The following EXT2 variants were observed in gnomAD, a reference collection of about 807,000 sequenced individuals.
The protein encoded by EXT2 is exostosin glycosyltransferase 2.
Under a neutral mutation model 81.6 loss-of-function variants are expected in EXT2, and 53 were observed. The ratio of observed to expected loss-of-function variants is 0.65; its 90% CI spans 0.52 to 0.82. EXT2 has a LOEUF of 0.82. Ranked by LOEUF, EXT2 falls within the 40% of genes least tolerant of loss-of-function variation. EXT2 has a pLI of 0.00. For missense variants in EXT2, 774 were observed against 910.2 expected (o/e 0.85, Z 1.93); for synonymous variants, 320 against 340.0 (o/e 0.94, Z 0.65).
intron 11 of EXT2, among the ~76,000 whole-genome samples, chr11:44,233,462 CTT>C (rs983859957): frequency 1.3e-5 from 2 of 151,994 alleles, no homozygotes; most frequent in African/African-American, 4.8e-5. Context: ...GTTTTTGACT[CTT>C]TTTTTATTAG....
chr11:44,098,848 G>A (rs1953941673), intron 1 of EXT2, among the ~76,000 whole-genome samples: 1 of 152,082 alleles, frequency 6.6e-6, no homozygotes, highest in Admixed American at 6.5e-5. Flanking sequence ...TCCTCCTTTG[G>A]AAATTCCTTC....
chr11:44,231,996 C>T (rs1955904430), intron 10 of EXT2, among the ~76,000 whole-genome samples: 1 of 152,104 alleles, frequency 6.6e-6, no homozygotes, highest in Admixed American at 6.6e-5. Context: ...AGTTGAGTTG[C>T]AGGGTTCCAT....
chr11:44,108,275 C>G, intron 2 of EXT2, 27 bp downstream of exon 2: 1 of 1,605,922 alleles, frequency 6.2e-7, no homozygotes, highest in Non-Finnish European at 8.5e-7. Flanking sequence ...CAGCCCAGCC[C>G]CCAGGAGATA....
At chr11:44,180,875 G>A (rs190854074) in intron 8 of EXT2, among the ~76,000 whole-genome samples, 2 of 152,168 alleles carry the variant, frequency 1.3e-5, no homozygotes, top group African/African-American at 4.8e-5. Flanking sequence ...GCCGAGGCGG[G>A]CGGATCACCT....
At chr11:44,117,691 C>T (rs1037350556) in intron 4 of EXT2, among the ~76,000 whole-genome samples, 1 of 152,220 alleles carries the variant, frequency 6.6e-6, no homozygotes, top group Admixed American at 6.5e-5. Context: ...GCCAGTACTA[C>T]ATTGTCTTGG....
chr11:44,163,682 G>T (rs558724088), intron 7 of EXT2, among the ~76,000 whole-genome samples: 42 of 152,304 alleles, frequency 2.8e-4, no homozygotes, highest in Admixed American at 6.5e-4. Context: ...GAAATAAATG[G>T]TTCTGTCAAT....
At chr11:44,201,320 A>G (rs187759170) in intron 9 of EXT2, among the ~76,000 whole-genome samples, 115 of 152,338 alleles carry the variant, frequency 7.5e-4, no homozygotes, top group African/African-American at 2.7e-3. Flanking sequence ...AGAGAAGTGA[A>G]GTTCATAGGA....
chr11:44,240,781 G>A (rs892662753), intron 13 of EXT2, among the ~76,000 whole-genome samples: 23 of 152,144 alleles, frequency 1.5e-4, no homozygotes, highest in African/African-American at 5.6e-4. Flanking sequence ...AAGGCATTTA[G>A]ATAGGGAGGG....
chr11:44,110,230 T>C (rs1954123697), intron 3 of EXT2, among the ~76,000 whole-genome samples: 1 of 152,178 alleles, frequency 6.6e-6, no homozygotes, highest in African/African-American at 2.4e-5. Flanking sequence ...AAATCGACAC[T>C]TAGTATTCCT....
intron 7 of EXT2, among the ~76,000 whole-genome samples, chr11:44,161,342 T>C (rs993121072): frequency 5.9e-5 from 9 of 152,014 alleles, no homozygotes; most frequent in South Asian, 2.1e-4. Context: ...TGTTAAAAAA[T>C]TGTAAGCCAG....
chr11:44,212,141 C>T (rs1047100415), intron 10 of EXT2, among the ~76,000 whole-genome samples: 7 of 151,502 alleles, frequency 4.6e-5, no homozygotes, highest in African/African-American at 9.7e-5. Flanking sequence ...AAAAATTAGC[C>T]GGGTATGGTG....
chr11:44,128,991 T>C (rs906892916), intron 6 of EXT2, among the ~76,000 whole-genome samples: 1 of 152,240 alleles, frequency 6.6e-6, no homozygotes, highest in Non-Finnish European at 1.5e-5. Context: ...GTTTAATCAT[T>C]AATTTATACA....
At chr11:44,192,393 A>G (rs1465645930) in intron 8 of EXT2, among the ~76,000 whole-genome samples, 1 of 151,866 alleles carries the variant, frequency 6.6e-6, no homozygotes, top group Non-Finnish European at 1.5e-5. Context: ...CCACTAGGTT[A>G]TGTGTGTTTT....
Position 44,192,982 on chromosome 11 carries a change from AACTT to A in EXT2, c.1306-4842_1306-4839del, listed in dbSNP as rs1411215452. On this transcript the variant is annotated intron_variant, in intron 8 of 13. Transcript: ENST00000533608. ...AAACAGGCCTGAGTCATTTGGCTTTAACTTACTTCTTTAAAAAACAAGTTTTGAT... is the reference window on the plus strand; with the variant it reads ...AAACAGGCCTGAGTCATTTGGCTTTAACTTCTTTAAAAAACAAGTTTTGAT... Among the ~76,000 whole-genome samples, 2 of 152,216 alleles carry A rather than the reference AACTT, an allele frequency of 1.3e-5. 1 individual carries two copies. Among genetic ancestry groups the A allele is most frequent in the Non-Finnish European group, 2.9e-5 (2 of 68,038 alleles).
chr11:44,217,225 A>G (rs1182926550), intron 10 of EXT2, among the ~76,000 whole-genome samples: 2 of 152,094 alleles, frequency 1.3e-5, no homozygotes, highest in East Asian at 1.9e-4. Context: ...TACATTGAAT[A>G]TAATCCTTAA....
At chr11:44,152,404 G>A (rs1328014691) in intron 7 of EXT2, among the ~76,000 whole-genome samples, 2 of 152,116 alleles carry the variant, frequency 1.3e-5, no homozygotes, top group Non-Finnish European at 2.9e-5. Flanking sequence ...AGGCTGGAGT[G>A]CAGTGGTGTG....
chr11:44,218,870 T>G (rs1036887842), intron 10 of EXT2, among the ~76,000 whole-genome samples: 1 of 137,274 alleles, frequency 7.3e-6, no homozygotes, highest in African/African-American at 2.7e-5. Context: ...CAGTCTTGGC[T>G]CACTGCAACC....
intron 6 of EXT2, among the ~76,000 whole-genome samples, chr11:44,128,855 A>G (rs1954448127): frequency 6.6e-6 from 1 of 152,156 alleles, no homozygotes; most frequent in Middle Eastern, 3.2e-3. Flanking sequence ...TTACTTAACA[A>G]ATGTTTATCA....
intron 7 of EXT2, among the ~76,000 whole-genome samples, chr11:44,170,667 T>C (rs1955058143): frequency 6.6e-6 from 1 of 152,214 alleles, no homozygotes; most frequent in Non-Finnish European, 1.5e-5. Flanking sequence ...AATGCACAGC[T>C]TTATTTCAAT....
Sources: allele counts gnomAD v4.1 joint callset (sites outside exome capture counted in the v4.1 genomes callset), GRCh38; gene constraint gnomAD v4.1.1; transcripts MANE v1.5; gene names NCBI Gene and HGNC (gene_info 2026-07-23, HGNC 2026-07-21).